PPM1L: variants seen among roughly 807,000 people sequenced by gnomAD.
The protein encoded by PPM1L is protein phosphatase, Mg2+/Mn2+ dependent 1L.
Under a neutral mutation model 31.4 loss-of-function variants are expected in PPM1L, and 13 were observed. The observed-to-expected ratio is 0.41, with a 90% CI of 0.27 to 0.66. The LOEUF (loss-of-function observed/expected upper bound fraction) is 0.66, where lower values mean the gene tolerates loss of function less well. PPM1L is among the 30% of genes least tolerant of loss of function. The pLI, the probability that PPM1L is intolerant of heterozygous loss-of-function variation, is 0.29. For synonymous variants in PPM1L, 184 were observed against 175.4 expected, an observed-to-expected ratio of 1.05 and a Z score of -0.39; for missense variants, 326 against 453.7, an observed-to-expected ratio of 0.72 and a Z score of 2.56.
chr3:160,848,318 G>C (rs1714145772), intron 1 of PPM1L, among the ~76,000 whole-genome samples: 1 of 152,144 alleles, frequency 6.6e-6, no homozygotes, highest in Admixed American at 6.5e-5. Context: ...GCACCCATCA[G>C]TGTACTGAAA....
Position 161,018,385 on chromosome 3 carries a change from G to T in PPM1L, c.575-47018G>T, listed in dbSNP as rs945180698. On this transcript the variant is annotated intron_variant, in intron 2 of 3. Transcript: ENST00000498165. ...TTATTCAATAGTAATAATATCAAAT[G>T]GTTTTCATATGTTCTCTCTTCTTTC... 3.9e-5 allele frequency among the ~76,000 whole-genome samples: 6 copies of T among 152,172 alleles called. No homozygotes were observed. The South Asian group carries it at 8.3e-4, about 21-fold the overall frequency.
intron 2 of PPM1L, among the ~76,000 whole-genome samples, chr3:160,990,645 TC>T (rs1364717423): frequency 6.6e-6 from 1 of 152,158 alleles, no homozygotes; most frequent in Non-Finnish European, 1.5e-5. Flanking sequence ...TTTGTGAAGT[TC>T]TAAACAAAAC....
intron 1 of PPM1L, among the ~76,000 whole-genome samples, chr3:160,841,043 A>G (rs763885803): frequency 2.6e-4 from 39 of 152,174 alleles, no homozygotes; most frequent in Non-Finnish European, 4.3e-4. Context: ...CCTAAAAGTA[A>G]TCATTACAAT....
chr3:160,928,689 G>A (rs1714681349), intron 1 of PPM1L, among the ~76,000 whole-genome samples: 1 of 152,128 alleles, frequency 6.6e-6, no homozygotes, highest in Admixed American at 6.5e-5. Flanking sequence ...GAGCCCTCAA[G>A]AATGGGACTA....
At position 161,075,454 on chromosome 3, in the gene PPM1L, C is replaced by T. The variant is rs1222586834; in HGVS notation, c.*6297C>T. The T allele has an allele frequency of 1.3e-5, 2 of 152,134 alleles. 1 individual carries two copies. The highest frequency in any genetic ancestry group is 1.3e-4 in the Admixed American group (2 of 15,268). 9.4% of individuals were successfully genotyped at this position (152,134 alleles called of 1,614,324 possible). On this transcript the variant is annotated 3_prime_UTR_variant, in exon 4 of 4. Transcript: ENST00000498165. ...CACCATTCAAAAAATGGGCTTGTCTCTTAGAGTATTGGTTAATGCTTTGCT... is the reference window on the plus strand; with the variant it reads ...CACCATTCAAAAAATGGGCTTGTCTTTTAGAGTATTGGTTAATGCTTTGCT...
At chr3:160,809,313 G>A (rs1712737636) in intron 1 of PPM1L, among the ~76,000 whole-genome samples, 1 of 152,094 alleles carries the variant, frequency 6.6e-6, no homozygotes, top group Non-Finnish European at 1.5e-5. Context: ...GCATGGCTCT[G>A]AAGTAAAAAA....
chr3:161,019,708 C>T (rs745979991), intron 2 of PPM1L, among the ~76,000 whole-genome samples: 2 of 152,056 alleles, frequency 1.3e-5, no homozygotes, highest in Non-Finnish European at 2.9e-5. Flanking sequence ...CATCATCAGT[C>T]AGTTAGCTCA....
chr3:160,833,195 G>A (rs1713573411), intron 1 of PPM1L, among the ~76,000 whole-genome samples: 1 of 152,172 alleles, frequency 6.6e-6, no homozygotes, highest in Non-Finnish European at 1.5e-5. Flanking sequence ...TTGATTGCAT[G>A]TCTTTGCTAT....
chr3:160,975,669 CTG>C (rs1716543702), intron 2 of PPM1L, among the ~76,000 whole-genome samples: 1 of 152,158 alleles, frequency 6.6e-6, no homozygotes, highest in Admixed American at 6.5e-5. Flanking sequence ...ATTTGGCTCT[CTG>C]TTTGTCTGTT....
chr3:160,979,126 C>T (rs1333362680), intron 2 of PPM1L, among the ~76,000 whole-genome samples: 4 of 152,068 alleles, frequency 2.6e-5, no homozygotes, highest in African/African-American at 9.7e-5. Flanking sequence ...AATTTATCTT[C>T]ACTTTTATCA....
intron 2 of PPM1L, among the ~76,000 whole-genome samples, chr3:161,006,017 A>G (rs1206249565): frequency 6.6e-6 from 1 of 152,206 alleles, no homozygotes; most frequent in Non-Finnish European, 1.5e-5. Flanking sequence ...ATTAAAAATA[A>G]CATAAACAAA....
At chr3:160,793,820 A>T (rs1339356178) in intron 1 of PPM1L, among the ~76,000 whole-genome samples, 11 of 152,202 alleles carry the variant, frequency 7.2e-5, no homozygotes, top group Admixed American at 7.2e-4. Flanking sequence ...CCTCTAGGTT[A>T]TCAATCAGGT....
At chr3:160,769,276 G>T (rs1258073934) in intron 1 of PPM1L, among the ~76,000 whole-genome samples, 1 of 152,204 alleles carries the variant, frequency 6.6e-6, no homozygotes, top group Non-Finnish European at 1.5e-5. Context: ...TGGGAAGGGG[G>T]TTTAGAGAAT....
chr3:161,021,208 C>A (rs1718227164), intron 2 of PPM1L, among the ~76,000 whole-genome samples: 1 of 151,826 alleles, frequency 6.6e-6, no homozygotes. Context: ...AGCTGTATCC[C>A]ATAAGTTTTG....
At chr3:160,952,318 G>C (rs1273712636) in intron 1 of PPM1L, among the ~76,000 whole-genome samples, 2 of 152,164 alleles carry the variant, frequency 1.3e-5, no homozygotes, top group African/African-American at 4.8e-5. Context: ...ATTAACGTGT[G>C]GTCTGTGTGC....
At chr3:160,808,434 GAAGC>G in intron 1 of PPM1L, among the ~76,000 whole-genome samples, 2 of 140,734 alleles carry the variant, frequency 1.4e-5, no homozygotes, top group Admixed American at 7.1e-5. Context: ...GTGGGTGAGG[GAAGC>G]TGGGCTTCAT....
At chr3:161,008,440 C>T (rs1717785599) in intron 2 of PPM1L, among the ~76,000 whole-genome samples, 1 of 152,152 alleles carries the variant, frequency 6.6e-6, no homozygotes, top group Non-Finnish European at 1.5e-5. Context: ...GGATAGTTTC[C>T]CCTGTATCTT....
At chr3:160,823,828 G>A (rs1268106682) in intron 1 of PPM1L, among the ~76,000 whole-genome samples, 1 of 152,086 alleles carries the variant, frequency 6.6e-6, no homozygotes, top group Non-Finnish European at 1.5e-5. Context: ...CCAAGGCCAG[G>A]ATTTAAATTC....
chr3:160,897,074 TG>T (rs1713360143), intron 1 of PPM1L, among the ~76,000 whole-genome samples: 1 of 147,314 alleles, frequency 6.8e-6, no homozygotes, highest in African/African-American at 2.5e-5. Context: ...GATGGAGTCT[TG>T]CTCTTTCACC....
Sources: allele counts gnomAD v4.1 joint callset (sites outside exome capture counted in the v4.1 genomes callset), GRCh38; gene constraint gnomAD v4.1.1; transcripts MANE v1.5; gene names NCBI Gene and HGNC (gene_info 2026-07-23, HGNC 2026-07-21).